Variants in RPH3A observed in about 807,000 individuals in gnomAD.
RPH3A encodes rabphilin 3A, also known as rabphilin-3A.
In RPH3A, 48 loss-of-function variants were observed where a neutral mutation model predicts 102.2. That is an observed-to-expected ratio of 0.47 (90% CI 0.37 to 0.60). The LOEUF is 0.60. RPH3A is among the 20% of genes least tolerant of loss of function. The pLI is 0.00. For synonymous variants in RPH3A, 310 were observed against 324.3 expected (o/e 0.96, Z 0.47); for missense variants, 781 against 910.1 (o/e 0.86, Z 1.83).
intron 10 of RPH3A, chr12:112,874,218 T>G (rs906546336): frequency 4.6e-5 from 7 of 152,222 alleles, no homozygotes; most frequent in African/African-American, 1.4e-4. Context: ...CAGAAACTGC[T>G]GCACACATCA....
At chr12:112,705,000 T>C (rs1308566059) in intron 1 of RPH3A, among the ~76,000 whole-genome samples, 3 of 152,190 alleles carry the variant, frequency 2.0e-5, no homozygotes. Flanking sequence ...TTAAATTAGG[T>C]AGTTTGCTTC....
intron 1 of RPH3A, among the ~76,000 whole-genome samples, chr12:112,727,387 C>T (rs2384052): frequency 0.75 from 99,268 of 132,598 alleles, 37,690 homozygotes; most frequent in East Asian, 0.9. Context: ...CAAGACTCTG[C>T]CTCAAAAAAA....
chr12:112,802,889 G>A (rs372397750), intron 2 of RPH3A, among the ~76,000 whole-genome samples: 1 of 152,132 alleles, frequency 6.6e-6, no homozygotes, highest in East Asian at 1.9e-4. Flanking sequence ...CTGTAACACC[G>A]ACGTTGCCTC....
intron 2 of RPH3A, among the ~76,000 whole-genome samples, chr12:112,819,972 G>A (rs78303530): frequency 0.046 from 7,021 of 152,278 alleles, 542 homozygotes; most frequent in African/African-American, 0.16. Context: ...TTCAGATTCC[G>A]TGGGTGGGGA....
At chr12:112,785,255 C>T (rs975939897) in intron 1 of RPH3A, among the ~76,000 whole-genome samples, 2 of 150,508 alleles carry the variant, frequency 1.3e-5, no homozygotes, top group African/African-American at 4.9e-5. Flanking sequence ...GATACAGCTG[C>T]ATGGTGGTTG....
At chr12:112,685,909 A>T (rs1034027044) in intron 1 of RPH3A, among the ~76,000 whole-genome samples, 3 of 152,180 alleles carry the variant, frequency 2.0e-5, no homozygotes, top group Non-Finnish European at 4.4e-5. Flanking sequence ...TTGAATGGGG[A>T]GACAGCTGCC....
intron 1 of RPH3A, among the ~76,000 whole-genome samples, chr12:112,703,152 A>T (rs2040406218): frequency 1.3e-5 from 2 of 152,210 alleles, no homozygotes; most frequent in Admixed American, 1.3e-4. Flanking sequence ...CATTGCCTTG[A>T]GGACATGCTT....
At chr12:112,834,503 T>C in intron 3 of RPH3A, among the ~76,000 whole-genome samples, 1 of 152,254 alleles carries the variant, frequency 6.6e-6, no homozygotes, top group East Asian at 1.9e-4. Flanking sequence ...CCGGTTTAAC[T>C]TTTAAGAAAC....
At chr12:112,754,678 T>C (rs1054200139) in intron 1 of RPH3A, among the ~76,000 whole-genome samples, 4 of 152,208 alleles carry the variant, frequency 2.6e-5, no homozygotes, top group Non-Finnish European at 5.9e-5. Context: ...AAGAATCTAA[T>C]TACCCAAGGA....
chr12:112,671,339 G>T (rs2040127936), intron 1 of RPH3A, among the ~76,000 whole-genome samples: 1 of 152,134 alleles, frequency 6.6e-6, no homozygotes, highest in African/African-American at 2.4e-5. Context: ...CTTCTACTTG[G>T]TTGCTTTGCC....
At position 112,883,153 on chromosome 12, in the gene RPH3A, A is replaced by G. The variant is rs1002663934; in HGVS notation, c.1327-140A>G. 27 of 637,032 alleles carry G rather than the reference A, an allele frequency of 4.2e-5. No homozygotes were observed. The African/African-American group carries it at 4.7e-4, about 11-fold the overall frequency. 39.5% of individuals were successfully genotyped at this position (637,032 alleles called of 1,614,324 possible). On this transcript the variant is annotated intron_variant, in intron 15 of 21. Transcript: ENST00000389385. Reference sequence around the variant, plus strand: ...AGGACATCCCCCACTCCCTGAGAACATGCATTTGGGAATAACTAAGCCCCT... The same window carrying G: ...AGGACATCCCCCACTCCCTGAGAACGTGCATTTGGGAATAACTAAGCCCCT...
At chr12:112,619,634 C>T (rs1035129462) in intron 1 of RPH3A, among the ~76,000 whole-genome samples, 5 of 152,254 alleles carry the variant, frequency 3.3e-5, no homozygotes, top group Non-Finnish European at 5.9e-5. Context: ...TTCAAAGCAA[C>T]TGCACCATTT....
At chr12:112,671,562 G>A (rs1400126053) in intron 1 of RPH3A, among the ~76,000 whole-genome samples, 1 of 152,116 alleles carries the variant, frequency 6.6e-6, no homozygotes, top group Non-Finnish European at 1.5e-5. Context: ...TAGTTCGGGT[G>A]GCTTTGTGCC....
intron 1 of RPH3A, among the ~76,000 whole-genome samples, chr12:112,637,578 T>C (rs2039857351): frequency 6.6e-6 from 1 of 152,170 alleles, no homozygotes; most frequent in African/African-American, 2.4e-5. Flanking sequence ...TTATATATGT[T>C]TGAAAATACT....
chr12:112,697,508 A>G (rs1230370989), intron 1 of RPH3A, among the ~76,000 whole-genome samples: 1 of 152,210 alleles, frequency 6.6e-6, no homozygotes, highest in Non-Finnish European at 1.5e-5. Context: ...TATGGGTCGG[A>G]AGACTCAATA....
chr12:112,887,481 TGACTAGAAAG>T lies in RPH3A; in HGVS notation c.1437-313_1437-304del, dbSNP rs2043020398. Among the ~76,000 whole-genome samples, 4 of 152,342 alleles carry T rather than the reference TGACTAGAAAG, an allele frequency of 2.6e-5. No homozygotes were observed. The South Asian group carries it at 8.3e-4, about 32-fold the overall frequency. ...GAGTGGCTATCTTTGAGACAGGCAG[TGACTAGAAAG>T]GATCCTGAGGATCTTTCAGTCTCTG... On this transcript the variant is annotated intron_variant, in intron 16 of 21. Coordinates refer to ENST00000389385, the MANE Select transcript of RPH3A (RefSeq NM_001143854.2).
intron 2 of RPH3A, among the ~76,000 whole-genome samples, chr12:112,824,248 G>A (rs552967988): frequency 6.6e-6 from 1 of 152,304 alleles, no homozygotes; most frequent in African/African-American, 2.4e-5. Flanking sequence ...CCTAGAAGAA[G>A]GGGGCTGTAC....
intron 1 of RPH3A, among the ~76,000 whole-genome samples, chr12:112,662,868 A>C (rs1244513011): frequency 6.6e-6 from 1 of 152,006 alleles, no homozygotes; most frequent in Non-Finnish European, 1.5e-5. Flanking sequence ...ATTCTTCCCA[A>C]ACCCCTAGTT....
At chr12:112,621,240 G>A (rs886732884) in intron 1 of RPH3A, among the ~76,000 whole-genome samples, 18 of 151,952 alleles carry the variant, frequency 1.2e-4, no homozygotes, top group Non-Finnish European at 2.4e-4. Context: ...CCGGTCTACA[G>A]CTCCCAGCGT....
Sources: gnomAD v4.1 joint callset for allele counts (sites outside exome capture counted in the v4.1 genomes callset) on GRCh38, gnomAD v4.1.1 for gene constraint, MANE v1.5 for transcripts, NCBI Gene and HGNC (gene_info 2026-07-23, HGNC 2026-07-21) for gene names.